MARK2: variants seen among roughly 807,000 people sequenced by gnomAD.
MARK2 encodes serine/threonine-protein kinase MARK2.
Under a neutral mutation model 89.8 loss-of-function variants are expected in MARK2, and 16 were observed. The observed-to-expected ratio is 0.18, with a 90% CI of 0.12 to 0.27. MARK2 has a LOEUF of 0.27. Among genes scored for constraint, MARK2 ranks in the 10% least tolerant of loss-of-function variants. MARK2 has a pLI of 1.00. For synonymous variants in MARK2, 382 were observed against 399.5 expected, an observed-to-expected ratio of 0.96 and a Z score of 0.52; for missense variants, 621 against 1,049.9, an observed-to-expected ratio of 0.59 and a Z score of 5.65.
intron 1 of MARK2, among the ~76,000 whole-genome samples, chr11:63,848,320 A>G (rs1292498510): frequency 6.6e-6 from 1 of 152,148 alleles, no homozygotes; most frequent in African/African-American, 2.4e-5. Context: ...CCATTTCAGT[A>G]TGAGTTTTGC....
chr11:63,897,849 A>G (rs111715643), intron 3 of MARK2, among the ~76,000 whole-genome samples: 3 of 152,286 alleles, frequency 2.0e-5, no homozygotes, highest in African/African-American at 4.8e-5. Context: ...ACACAGACCA[A>G]GCTGGGGTGT....
chr11:63,872,967 G>C (rs1007859949), intron 1 of MARK2, among the ~76,000 whole-genome samples: 3 of 124,802 alleles, frequency 2.4e-5, no homozygotes, highest in African/African-American at 9.1e-5. Context: ...CCACCTCCCT[G>C]CTCTGCATGT....
Position 63,909,055 on chromosome 11 carries a change from G to A in MARK2, c.2185G>A (p.Glu729Lys). 6.2e-7 allele frequency: 1 copy of A among 1,605,952 alleles called. No individual in the cohort carries two copies. Among genetic ancestry groups the A allele is most frequent in the Non-Finnish European group, 8.5e-7 (1 of 1,173,296 alleles). The change falls in exon 19 of 19, where the codon GAG (glutamate) becomes AAG (lysine). Residue 729 changes from glutamate to lysine, a missense_variant. This residue lies in a region of MARK2 where 49 missense variants were observed against 46.7 expected (regional missense o/e 1.05). Coordinates refer to ENST00000402010, the MANE Select transcript of MARK2 (RefSeq NM_001039469.3). ...GAACAGCTGCCAGAGCGAGCTGCAT[G>A]AGAAGTACATGCTGCTGTGCATGCA... ...DANSCQSELH[E>K]KYMLLCMHGT...
At chr11:63,872,792 C>A (rs965918514) in intron 1 of MARK2, among the ~76,000 whole-genome samples, 1 of 152,098 alleles carries the variant, frequency 6.6e-6, no homozygotes, top group Non-Finnish European at 1.5e-5. Flanking sequence ...CAACGGGAAC[C>A]CCGCCGCTTC....
chr11:63,883,033 CTTG>C (rs1462307174), intron 1 of MARK2, among the ~76,000 whole-genome samples: 1 of 152,156 alleles, frequency 6.6e-6, no homozygotes, highest in Non-Finnish European at 1.5e-5. Context: ...TATGGAGGAA[CTTG>C]TTGGTCTCCA....
At chr11:63,893,661 C>CT (rs555920686) in intron 1 of MARK2, among the ~76,000 whole-genome samples, 1 of 152,072 alleles carries the variant, frequency 6.6e-6, no homozygotes, top group South Asian at 2.1e-4. Flanking sequence ...AGACCATACC[C>CT]TTTTTGTACA....
At chr11:63,857,252 C>T (rs966034716) in intron 1 of MARK2, among the ~76,000 whole-genome samples, 2 of 152,192 alleles carry the variant, frequency 1.3e-5, no homozygotes, top group East Asian at 3.9e-4. Flanking sequence ...CTGCAACTTC[C>T]ACCTCCCAGG....
chr11:63,872,791 C>G (rs1007441960), intron 1 of MARK2, among the ~76,000 whole-genome samples: 4 of 152,252 alleles, frequency 2.6e-5, no homozygotes, highest in African/African-American at 4.8e-5. Flanking sequence ...GCAACGGGAA[C>G]CCCGCCGCTT....
Position 63,900,335 on chromosome 11 carries a change from G to A in MARK2, c.769-224G>A, listed in dbSNP as rs1340219436. 2.0e-5 allele frequency among the ~76,000 whole-genome samples: 3 copies of A among 152,144 alleles called. No individual in the cohort carries two copies. On this transcript the variant is annotated intron_variant, in intron 8 of 18. Transcript: ENST00000402010. The surrounding 1 kb of genome is among the most constrained non-coding windows in gnomAD (Gnocchi z 4.7). ...AACTGTGTGTGTGTTCATCCCCCAA[G>A]GCACTCCGGATTGCAGGCCTCGGAC...
At chr11:63,885,819 G>A (rs1214011090) in intron 1 of MARK2, among the ~76,000 whole-genome samples, 2 of 149,096 alleles carry the variant, frequency 1.3e-5, no homozygotes, top group African/African-American at 4.9e-5. Context: ...GGGTGACAGA[G>A]CAAGACTCCA....
At chr11:63,897,772 C>T (rs150646044) in intron 3 of MARK2, among the ~76,000 whole-genome samples, 160 of 152,348 alleles carry the variant, frequency 1.1e-3, no homozygotes, top group East Asian at 8.9e-3. Flanking sequence ...TCCCCTAGAA[C>T]AGAGCCCTCT....
chr11:63,900,342 C>T lies in MARK2; in HGVS notation c.769-217C>T, dbSNP rs1448517170. Among the ~76,000 whole-genome samples, 3 of 152,166 alleles carry T rather than the reference C, an allele frequency of 2.0e-5. No homozygotes were observed. The highest frequency in any genetic ancestry group is 7.2e-5 in the African/African-American group (3 of 41,434). ...TGTGTGTTCATCCCCCAAGGCACTC[C>T]GGATTGCAGGCCTCGGACTGGTCAA... On this transcript the variant is annotated intron_variant, in intron 8 of 18. Transcript: ENST00000402010. This position sits in a 1 kb window ranked among gnomAD's most constrained non-coding sequence, Gnocchi z 4.7.
chr11:63,853,013 G>T (rs1261226688), intron 1 of MARK2, among the ~76,000 whole-genome samples: 3 of 152,228 alleles, frequency 2.0e-5, no homozygotes, highest in African/African-American at 4.8e-5. Context: ...GACGAATGAA[G>T]TCTTGAACAG....
chr11:63,869,022 G>T, intron 1 of MARK2: 2 of 364,256 alleles, frequency 5.5e-6, no homozygotes, highest in Admixed American at 3.3e-5. Context: ...TGTGAGTGAG[G>T]GAAGAGTGAG....
At chr11:63,888,495 G>C in intron 1 of MARK2, 1 of 997,082 alleles carries the variant, frequency 1.0e-6, no homozygotes, top group Non-Finnish European at 1.2e-6. Context: ...GGGAGGGGGG[G>C]AGGGGGAGGG....
At chr11:63,861,818 T>C (rs992310827) in intron 1 of MARK2, among the ~76,000 whole-genome samples, 1 of 149,998 alleles carries the variant, frequency 6.7e-6, no homozygotes, top group Non-Finnish European at 1.5e-5. Context: ...CTTGGCTCAC[T>C]GCAACCTCCG....
At chr11:63,872,899 A>ACCCCCC (rs1285329983) in intron 1 of MARK2, among the ~76,000 whole-genome samples, 1 of 20,892 alleles carries the variant, frequency 4.8e-5, no homozygotes, top group Non-Finnish European at 1.1e-4. Flanking sequence ...CCCCACCCCC[A>ACCCCCC]CCCCCACCCC....
chr11:63,871,505 A>C (rs894115955), intron 1 of MARK2, among the ~76,000 whole-genome samples: 9 of 151,486 alleles, frequency 5.9e-5, no homozygotes, highest in Non-Finnish European at 8.8e-5. Flanking sequence ...CACTGTGTGC[A>C]GGTGTGGCTG....
chr11:63,880,347 A>C (rs1939016315), intron 1 of MARK2: 1 of 152,096 alleles, frequency 6.6e-6, no homozygotes, highest in Admixed American at 6.6e-5. Flanking sequence ...GCAGGACAGG[A>C]GGCAGGTGTG....
Sources: gnomAD v4.1 joint callset for allele counts (sites outside exome capture counted in the v4.1 genomes callset) on GRCh38, gnomAD v4.1.1 for gene constraint, gnomAD v4.1.1 regional missense constraint, Gnocchi (gnomAD v3.1) non-coding constraint, MANE v1.5 for transcripts, NCBI Gene and HGNC (gene_info 2026-07-23, HGNC 2026-07-21) for gene names.